The following NTN1 variants were observed in gnomAD, a reference collection of about 807,000 sequenced individuals.
NTN1 encodes netrin 1.
Under a neutral mutation model 54.2 loss-of-function variants are expected in NTN1, and 11 were observed. That is an observed-to-expected ratio of 0.20 (90% CI 0.13 to 0.34). NTN1 has a LOEUF of 0.34. Among genes scored for constraint, NTN1 ranks in the 10% least tolerant of loss-of-function variants. NTN1 has a pLI of 1.00. For missense variants in NTN1, 740 were observed against 893.1 expected, an observed-to-expected ratio of 0.83 and a Z score of 2.18; for synonymous variants, 371 against 382.0, an observed-to-expected ratio of 0.97 and a Z score of 0.33.
At chr17:9,173,412 T>A (rs1285140834) in intron 3 of NTN1, 2 of 152,434 alleles carry the variant, frequency 1.3e-5, no homozygotes, top group East Asian at 3.9e-4. Flanking sequence ...ACCAGAGATA[T>A]GGGGACCTGG....
chr17:9,047,697 C>CTTTTTTT (rs560386660), intron 2 of NTN1, among the ~76,000 whole-genome samples: 1 of 142,350 alleles, frequency 7.0e-6, no homozygotes, highest in Non-Finnish European at 1.5e-5. Context: ...CACGAATTTT[C>CTTTTTTT]TTTTTTTTTT....
chr17:9,015,935 A>G, the NTN1 span, among the ~76,000 whole-genome samples: 2 of 151,708 alleles, frequency 1.3e-5, no homozygotes, highest in South Asian at 2.1e-4. Flanking sequence ...TTAGCCAGGC[A>G]TGGTGGTGGG....
At chr17:9,189,538 GACGGGGTTTC>G (rs1904394109) in intron 5 of NTN1, among the ~76,000 whole-genome samples, 1 of 152,106 alleles carries the variant, frequency 6.6e-6, no homozygotes, top group Admixed American at 6.6e-5. Context: ...TTTTAGTAGA[GACGGGGTTTC>G]ACCATGTTGG....
At chr17:9,034,181 C>T (rs1001729147) in intron 2 of NTN1, among the ~76,000 whole-genome samples, 2 of 152,016 alleles carry the variant, frequency 1.3e-5, no homozygotes, top group African/African-American at 4.8e-5. Context: ...CTCAAGACCA[C>T]CTTGATAGAT....
intron 4 of NTN1, among the ~76,000 whole-genome samples, chr17:9,181,532 C>T (rs2092419041): frequency 6.6e-6 from 1 of 152,128 alleles, no homozygotes; most frequent in African/African-American, 2.4e-5. Context: ...TGACAGGGCA[C>T]CTATGGTTTG....
At chr17:9,157,840 C>T (rs1297015028) in intron 2 of NTN1, among the ~76,000 whole-genome samples, 1 of 152,248 alleles carries the variant, frequency 6.6e-6, no homozygotes, top group East Asian at 1.9e-4. Flanking sequence ...TCTCACAAAG[C>T]TGCCCTTTCC....
At chr17:9,057,725 G>T (rs1313205987) in intron 2 of NTN1, among the ~76,000 whole-genome samples, 1 of 152,192 alleles carries the variant, frequency 6.6e-6, no homozygotes, top group Non-Finnish European at 1.5e-5. Context: ...CAGGTTCCAC[G>T]TAAGGACGTT....
chr17:9,088,831 A>T (rs1321682021), intron 2 of NTN1, among the ~76,000 whole-genome samples: 1 of 152,176 alleles, frequency 6.6e-6, no homozygotes, highest in African/African-American at 2.4e-5. Context: ...AGTCTGAACG[A>T]TTCCAAATAC....
chr17:9,123,406 G>A (rs1040727131), intron 2 of NTN1, among the ~76,000 whole-genome samples: 1 of 152,168 alleles, frequency 6.6e-6, no homozygotes, highest in Non-Finnish European at 1.5e-5. Context: ...TCCATCTTTT[G>A]TCCTACAGGT....
chr17:9,214,560 C>A (rs537953534), intron 5 of NTN1, among the ~76,000 whole-genome samples: 3 of 152,188 alleles, frequency 2.0e-5, no homozygotes, highest in South Asian at 4.1e-4. Flanking sequence ...CAGTGGCTCA[C>A]GCCTGTAATC....
rs369012452 is a variant in NTN1 at position 9,065,182 on chromosome 17, C to G, written c.1018+41791C>G. Among the ~76,000 whole-genome samples, 11 of 152,326 alleles carry G rather than the reference C, an allele frequency of 7.2e-5. No homozygotes were observed. The East Asian group carries it at 1.3e-3, about 19-fold the overall frequency. ...GAACTCCTGACCTCAGGTGATCTGC[C>G]TGCCTCCACCTCCTGAAGTGCTGGG... On this transcript the variant is annotated intron_variant, in intron 2 of 6. Coordinates refer to ENST00000173229, the MANE Select transcript of NTN1 (RefSeq NM_004822.3).
chr17:9,231,522 G>C (rs926470961), intron 6 of NTN1, among the ~76,000 whole-genome samples: 2 of 152,186 alleles, frequency 1.3e-5, no homozygotes, highest in Admixed American at 6.5e-5. Flanking sequence ...TGTGTAGAGA[G>C]TGCATGGATG....
intron 2 of NTN1, among the ~76,000 whole-genome samples, chr17:9,119,837 T>TA (rs1311887666): frequency 6.6e-6 from 1 of 152,178 alleles, no homozygotes; most frequent in Non-Finnish European, 1.5e-5. Flanking sequence ...GAGTGTGATG[T>TA]GGTGCTCATT....
At chr17:9,138,481 C>T (rs541264449) in intron 2 of NTN1, among the ~76,000 whole-genome samples, 1 of 152,254 alleles carries the variant, frequency 6.6e-6, no homozygotes, top group African/African-American at 2.4e-5. Context: ...GACGCTGCCT[C>T]TCCCTGACCT....
intron 2 of NTN1, among the ~76,000 whole-genome samples, chr17:9,058,304 GAATAAC>G (rs1011553258): frequency 3.3e-5 from 5 of 152,148 alleles, no homozygotes; most frequent in African/African-American, 1.2e-4. Flanking sequence ...AATCATTTTT[GAATAAC>G]AATCTTTCTG....
intron 2 of NTN1, among the ~76,000 whole-genome samples, chr17:9,087,814 G>T (rs554591485): frequency 3.5e-4 from 53 of 152,340 alleles, no homozygotes; most frequent in South Asian, 1.4e-3. Context: ...AGCCAGACTT[G>T]TGCTTTCTAA....
chr17:9,218,627 C>T (rs1905262582), intron 5 of NTN1, among the ~76,000 whole-genome samples: 1 of 152,046 alleles, frequency 6.6e-6, no homozygotes, highest in Non-Finnish European at 1.5e-5. Flanking sequence ...ACTCATCTGC[C>T]TTCCTCCTGC....
At chr17:9,146,138 G>A (rs905016447) in intron 2 of NTN1, among the ~76,000 whole-genome samples, 1 of 152,188 alleles carries the variant, frequency 6.6e-6, no homozygotes, top group Non-Finnish European at 1.5e-5. Context: ...ACCTTCAGCA[G>A]TGGTGCAGGC....
chr17:9,057,454 T>C (rs563463889), intron 2 of NTN1, among the ~76,000 whole-genome samples: 1 of 152,318 alleles, frequency 6.6e-6, no homozygotes, highest in East Asian at 1.9e-4. Flanking sequence ...TGCTTTCTGC[T>C]CTTCCCCGGG....
Sources: gnomAD v4.1 joint callset for allele counts (sites outside exome capture counted in the v4.1 genomes callset) on GRCh38, gnomAD v4.1.1 for gene constraint, MANE v1.5 for transcripts, NCBI Gene and HGNC (gene_info 2026-07-23, HGNC 2026-07-21) for gene names.